Variants in TENM3 observed in about 807,000 individuals in gnomAD.
TENM3 encodes the protein teneurin transmembrane protein 3, also known as teneurin-3.
Under a neutral mutation model 255.1 loss-of-function variants are expected in TENM3, and 63 were observed. That is an observed-to-expected ratio of 0.25 (90% CI 0.20 to 0.30). The LOEUF (loss-of-function observed/expected upper bound fraction) is 0.30, where lower values mean the gene tolerates loss of function less well. TENM3 is among the 10% of genes least tolerant of loss of function. The pLI is 1.00. For missense variants in TENM3, 2,929 were observed against 3,461.1 expected (o/e 0.85, Z 3.86); for synonymous variants, 1,306 against 1,322.3 (o/e 0.99, Z 0.27).
intron 1 of TENM3, among the ~76,000 whole-genome samples, chr4:182,262,815 G>A (rs578082556): frequency 1.4e-5 from 2 of 147,552 alleles, no homozygotes; most frequent in Admixed American, 1.4e-4. Context: ...CCGGGTTCAC[G>A]CCATTCTCCT....
intron 12 of TENM3, among the ~76,000 whole-genome samples, chr4:182,692,951 AT>A (rs1195651985): frequency 6.6e-6 from 1 of 151,702 alleles, no homozygotes; most frequent in Non-Finnish European, 1.5e-5. Flanking sequence ...CAGTTCTAGG[AT>A]TTTTTCGCTG....
chr4:182,473,633 G>T (rs139722196), intron 3 of TENM3, among the ~76,000 whole-genome samples: 1 of 151,886 alleles, frequency 6.6e-6, no homozygotes, highest in Non-Finnish European at 1.5e-5. Flanking sequence ...AGATCGCGCC[G>T]CTGCACTCCA....
rs1766929965 is a variant in TENM3, at chr4:182,801,153, T to C, written c.*802T>C. On this transcript the variant is annotated 3_prime_UTR_variant, in exon 28 of 28. Coordinates refer to ENST00000511685, the MANE Select transcript of TENM3 (RefSeq NM_001080477.4). ...GAACTGTGTGATTTTTTTAAAAGGA[T>C]TGCACCTTTTGTTATCTGTTATAGC... 6.6e-6 allele frequency: 1 copy of C among 152,632 alleles called. No individual in the cohort carries two copies. Among genetic ancestry groups the C allele is most frequent in the African/African-American group, 2.4e-5 (1 of 41,440 alleles). 9.5% of individuals were successfully genotyped at this position (152,632 alleles called of 1,614,324 possible). A position where few individuals can be genotyped will look rare whatever the true frequency, so the allele number is the denominator to read the frequency against.
the TENM3 span, among the ~76,000 whole-genome samples, chr4:181,818,752 G>T: frequency 6.6e-6 from 1 of 151,936 alleles, no homozygotes; most frequent in Non-Finnish European, 1.5e-5. Flanking sequence ...CAGGATTACA[G>T]GTGCCTGCCA....
intron 1 of TENM3, among the ~76,000 whole-genome samples, chr4:182,175,314 A>AAT (rs35451760): frequency 0.083 from 9,727 of 117,146 alleles, 430 homozygotes; most frequent in African/African-American, 0.092. Flanking sequence ...AAAAAAAAAA[A>AAT]ATATATATAT....
chr4:182,665,416 C>T (rs4273510), intron 6 of TENM3, among the ~76,000 whole-genome samples: 52,133 of 152,048 alleles, frequency 0.34, 9,134 homozygotes, highest in South Asian at 0.46. Flanking sequence ...TGGAGATGTG[C>T]GAGGAGGTTA....
At chr4:182,544,557 C>T (rs907133782) in intron 3 of TENM3, among the ~76,000 whole-genome samples, 13 of 151,978 alleles carry the variant, frequency 8.6e-5, no homozygotes, top group Non-Finnish European at 1.5e-4. Context: ...TCTTGAACTC[C>T]TGACCTCAGG....
intron 3 of TENM3, among the ~76,000 whole-genome samples, chr4:182,467,402 T>C (rs977865870): frequency 3.9e-5 from 6 of 152,220 alleles, no homozygotes; most frequent in Admixed American, 1.3e-4. Context: ...ATACCATAAA[T>C]ACCAAAACTG....
At chr4:182,199,689 T>G (rs2149821612) in intron 1 of TENM3, among the ~76,000 whole-genome samples, 1 of 150,620 alleles carries the variant, frequency 6.6e-6, no homozygotes, top group East Asian at 2.0e-4. Context: ...TAGATACATG[T>G]AACCATAGAT....
chr4:181,515,043 T>C, the TENM3 span, among the ~76,000 whole-genome samples: 3 of 152,238 alleles, frequency 2.0e-5, no homozygotes, highest in African/African-American at 7.2e-5. Context: ...AGTCAGTTTT[T>C]GGTTAAAGAC....
At chr4:181,606,663 C>T in the TENM3 span, among the ~76,000 whole-genome samples, 2 of 152,018 alleles carry the variant, frequency 1.3e-5, no homozygotes, top group South Asian at 4.2e-4. Flanking sequence ...CTTTCTGTAG[C>T]CACCAGTGCC....
the TENM3 span, among the ~76,000 whole-genome samples, chr4:181,701,389 T>C: frequency 4.6e-5 from 7 of 152,348 alleles, no homozygotes; most frequent in African/African-American, 1.4e-4. Context: ...GTGTTTGCCA[T>C]TCAGAGATAC....
chr4:182,489,308 T>C (rs1256007337), intron 3 of TENM3, among the ~76,000 whole-genome samples: 1 of 152,230 alleles, frequency 6.6e-6, no homozygotes, highest in Non-Finnish European at 1.5e-5. Context: ...TTTATGTATA[T>C]GTGATCTCTA....
the TENM3 span, among the ~76,000 whole-genome samples, chr4:181,582,589 G>A: frequency 6.6e-6 from 1 of 151,168 alleles, no homozygotes; most frequent in Non-Finnish European, 1.5e-5. Flanking sequence ...GGAGGTTGCA[G>A]GGAGCCGAGA....
At chr4:181,550,652 G>A in the TENM3 span, among the ~76,000 whole-genome samples, 13 of 152,142 alleles carry the variant, frequency 8.5e-5, no homozygotes, top group Admixed American at 3.3e-4. Flanking sequence ...AGGTTGCAGA[G>A]GAAGAAGAGA....
the TENM3 span, among the ~76,000 whole-genome samples, chr4:182,090,924 T>A: frequency 2.0e-5 from 3 of 152,248 alleles, no homozygotes; most frequent in African/African-American, 7.2e-5. Context: ...TTCTAATCCC[T>A]CTGTCCTACT....
intron 1 of TENM3, among the ~76,000 whole-genome samples, chr4:182,221,249 T>G (rs1486085570): frequency 1.3e-5 from 2 of 152,216 alleles, no homozygotes; most frequent in African/African-American, 2.4e-5. Flanking sequence ...GCTATAAAAG[T>G]TAGCCGTTTT....
chr4:182,372,562 C>A, intron 3 of TENM3, among the ~76,000 whole-genome samples: 1 of 151,868 alleles, frequency 6.6e-6, no homozygotes, highest in East Asian at 1.9e-4. Context: ...TGCATCTTAG[C>A]GGAGCTCAAG....
chr4:182,004,219 C>T, the TENM3 span, among the ~76,000 whole-genome samples: 2 of 152,094 alleles, frequency 1.3e-5, no homozygotes, highest in African/African-American at 4.8e-5. Flanking sequence ...CCTCGCCTCA[C>T]CCCCAACCCC....
Sources: gnomAD v4.1 joint callset for allele counts (sites outside exome capture counted in the v4.1 genomes callset) on GRCh38, gnomAD v4.1.1 for gene constraint, MANE v1.5 for transcripts, NCBI Gene and HGNC (gene_info 2026-07-23, HGNC 2026-07-21) for gene names.